The following VPS13B variants were observed in gnomAD, a reference collection of about 807,000 sequenced individuals.
VPS13B encodes intermembrane lipid transfer protein VPS13B.
A neutral mutation model predicts 426.4 loss-of-function variants in VPS13B; 285 were observed. The ratio of observed to expected loss-of-function variants is 0.67; its 90% CI spans 0.61 to 0.74. The LOEUF (loss-of-function observed/expected upper bound fraction) is 0.74, where lower values mean the gene tolerates loss of function less well. Among genes scored for constraint, VPS13B ranks in the 30% least tolerant of loss-of-function variants. The pLI, the probability that VPS13B is intolerant of heterozygous loss-of-function variation, is 0.00. For missense variants in VPS13B, 4,537 were observed against 4,782.6 expected, an observed-to-expected ratio of 0.95 and a Z score of 1.51; for synonymous variants, 1,676 against 1,676.4, an observed-to-expected ratio of 1.00 and a Z score of 0.01.
At chr8:99,425,037 G>T (rs1434696250) in intron 21 of VPS13B, among the ~76,000 whole-genome samples, 1 of 152,252 alleles carries the variant, frequency 6.6e-6, no homozygotes, top group East Asian at 1.9e-4. Flanking sequence ...TCTCTGAATA[G>T]ACCAATAACA....
At chr8:99,806,917 A>T (rs1303457065) in intron 43 of VPS13B, among the ~76,000 whole-genome samples, 2 of 152,208 alleles carry the variant, frequency 1.3e-5, no homozygotes, top group Admixed American at 1.3e-4. Flanking sequence ...TGATTACACC[A>T]TGGGAAGGAA....
chr8:99,468,217 A>G (rs919472607), intron 24 of VPS13B, among the ~76,000 whole-genome samples: 4 of 152,070 alleles, frequency 2.6e-5, no homozygotes, highest in Non-Finnish European at 4.4e-5. Flanking sequence ...TCATTGTTCA[A>G]TTCCCACCTG....
chr8:99,043,444 A>C (rs1843064004), intron 3 of VPS13B, among the ~76,000 whole-genome samples: 1 of 152,152 alleles, frequency 6.6e-6, no homozygotes, highest in African/African-American at 2.4e-5. Flanking sequence ...GCTTGGCTGA[A>C]GTCTGTGTTT....
At chr8:99,753,343 G>T (rs1217995073) in intron 39 of VPS13B, among the ~76,000 whole-genome samples, 1 of 152,162 alleles carries the variant, frequency 6.6e-6, no homozygotes, top group African/African-American at 2.4e-5. Flanking sequence ...GCAAGTAAAT[G>T]TAGAATTAAG....
At chr8:99,828,394 G>GTTTCTTTTTTTTT (rs1814831585) in intron 51 of VPS13B, among the ~76,000 whole-genome samples, 1 of 17,422 alleles carries the variant, frequency 5.7e-5, no homozygotes, top group African/African-American at 2.4e-4. Flanking sequence ...TACAACCACC[G>GTTTCTTTTTTTTT]TTTTTTTTTT....
At chr8:99,704,736 G>T (rs899203751) in intron 36 of VPS13B, among the ~76,000 whole-genome samples, 2 of 152,066 alleles carry the variant, frequency 1.3e-5, no homozygotes, top group Non-Finnish European at 2.9e-5. Flanking sequence ...GGGCATCAGG[G>T]TCCTGTCATT....
intron 17 of VPS13B, among the ~76,000 whole-genome samples, chr8:99,261,600 G>A (rs1818040899): frequency 6.6e-6 from 1 of 152,062 alleles, no homozygotes; most frequent in Non-Finnish European, 1.5e-5. Context: ...ATACTGAATG[G>A]TATGATAAAT....
rs10538522 is a variant in VPS13B at position 99,271,195 on chromosome 8, A to AACTACT, written c.2516-2955_2516-2950dup. ...TATTGCTGCTGCTGCTGCTACCACT[A>AACTACT]ACTACTACTACTACTACTACTACTA... On this transcript the variant is annotated intron_variant, in intron 17 of 61. Transcript: ENST00000357162. Among the ~76,000 whole-genome samples, 265 of 145,288 alleles carry AACTACT rather than the reference A, an allele frequency of 1.8e-3. 1 individual carries two copies. Among genetic ancestry groups the AACTACT allele is most frequent in the East Asian group, 0.013 (65 of 4,926 alleles).
chr8:99,055,480 A>G (rs1024218740), intron 3 of VPS13B, among the ~76,000 whole-genome samples: 1 of 152,202 alleles, frequency 6.6e-6, no homozygotes, highest in Non-Finnish European at 1.5e-5. Flanking sequence ...GCTTGGTAGT[A>G]TTAGCATCTT....
At chr8:99,034,526 G>A (rs1377180618) in intron 2 of VPS13B, among the ~76,000 whole-genome samples, 4 of 151,504 alleles carry the variant, frequency 2.6e-5, no homozygotes, top group Non-Finnish European at 5.9e-5. Flanking sequence ...TTATATCTGT[G>A]TATCTGGTGG....
intron 3 of VPS13B, among the ~76,000 whole-genome samples, chr8:99,062,821 A>G (rs1208714109): frequency 6.6e-6 from 1 of 152,184 alleles, no homozygotes; most frequent in Non-Finnish European, 1.5e-5. Flanking sequence ...ATTCTCTTAT[A>G]ATAGTTTAAG....
chr8:99,024,215 C>G (rs1035928258), intron 2 of VPS13B, among the ~76,000 whole-genome samples: 16 of 152,152 alleles, frequency 1.1e-4, no homozygotes, highest in African/African-American at 2.4e-5. Context: ...TGAGAAATGT[C>G]TACTCAGAGC....
chr8:99,457,071 G>T (rs570776729), intron 23 of VPS13B, among the ~76,000 whole-genome samples: 1 of 144,302 alleles, frequency 6.9e-6, no homozygotes, highest in Admixed American at 7.1e-5. Context: ...TCACTCTGTC[G>T]CCCAGGCTGG....
rs75594514 is a variant in VPS13B, at chr8:99,862,536, A to C, written c.11215+590A>C. ...TGTTTGAAAATAAGTTGCTTTAAAA[A>C]ATTTATGAAAAGGAAGCTTCAGAGC... On this transcript the variant is annotated intron_variant, in intron 58 of 61. Coordinates refer to ENST00000357162, the MANE Select transcript of VPS13B (RefSeq NM_152564.5). Among the ~76,000 whole-genome samples, 466 of 152,372 alleles carry C rather than the reference A, an allele frequency of 3.1e-3. 6 individuals carry two copies. Among genetic ancestry groups the C allele is most frequent in the African/African-American group, 0.011 (446 of 41,586 alleles).
intron 39 of VPS13B, among the ~76,000 whole-genome samples, chr8:99,750,200 C>A (rs979903041): frequency 6.6e-6 from 1 of 152,012 alleles, no homozygotes; most frequent in African/African-American, 2.4e-5. Flanking sequence ...GTAGAAAAGA[C>A]CTTAAGTTGA....
Position 99,819,972 on chromosome 8 carries a change from C to G in VPS13B, c.8844C>G (p.Ile2948Met), listed in dbSNP as rs2130817541. 1.9e-6 allele frequency: 3 copies of G among 1,614,058 alleles called. No homozygotes were observed. Among genetic ancestry groups the G allele is most frequent in the Non-Finnish European group, 2.5e-6 (3 of 1,179,932 alleles). The change falls in exon 49 of 62, where the codon ATC becomes ATG. Residue 2948 changes from isoleucine (I) to methionine (M), a missense_variant. By Grantham distance (10) the Ile-to-Met change is conservative. Around this residue, in one of 2 missense-constraint regions of VPS13B, gnomAD observed 4,311 missense variants for 4,474.3 expected, o/e 0.96. Coordinates refer to ENST00000357162, the MANE Select transcript of VPS13B (RefSeq NM_152564.5). Reference sequence around the variant, plus strand: ...GCCCAATGCGAGTGAAGCTGTCAATCTGGAAGCCATATGTTAGAACTTTGT... The same window carrying G: ...GCCCAATGCGAGTGAAGCTGTCAATGTGGAAGCCATATGTTAGAACTTTGT... ...WDSPMRVKLS[I>M]WKPYVRTLLI...
At chr8:99,373,131 G>A (rs1405107519) in intron 19 of VPS13B, among the ~76,000 whole-genome samples, 1 of 152,094 alleles carries the variant, frequency 6.6e-6, no homozygotes, top group Non-Finnish European at 1.5e-5. Context: ...ACATGGACAT[G>A]GAGGACAACA....
At chr8:99,255,483 C>CTGT (rs1817700033) in intron 17 of VPS13B, among the ~76,000 whole-genome samples, 2 of 152,188 alleles carry the variant, frequency 1.3e-5, no homozygotes, top group African/African-American at 4.8e-5. Context: ...TTCCGAGATT[C>CTGT]TGTGTTGTGT....
At chr8:99,403,474 G>A (rs909337188) in intron 21 of VPS13B, among the ~76,000 whole-genome samples, 1 of 151,538 alleles carries the variant, frequency 6.6e-6, no homozygotes, top group Non-Finnish European at 1.5e-5. Context: ...GCTCGAACCC[G>A]GGTGGCAGAG....
Sources: gnomAD v4.1 joint callset for allele counts (sites outside exome capture counted in the v4.1 genomes callset) on GRCh38, gnomAD v4.1.1 for gene constraint, gnomAD v4.1.1 regional missense constraint, MANE v1.5 for transcripts, NCBI Gene and HGNC (gene_info 2026-07-23, HGNC 2026-07-21) for gene names.